The following IMMP2L variants were observed in gnomAD, a reference collection of about 807,000 sequenced individuals.
IMMP2L encodes mitochondrial inner membrane protease subunit 2.
IMMP2L carries 18 observed loss-of-function variants against 19.3 expected under a neutral mutation model. The observed-to-expected ratio is 0.93, with a 90% CI of 0.64 to 1.38. The LOEUF (loss-of-function observed/expected upper bound fraction) is 1.38, where lower values mean the gene tolerates loss of function less well. Among genes scored for constraint, IMMP2L ranks in the 40% most tolerant of loss-of-function variants. IMMP2L has a pLI of 0.00. For synonymous variants in IMMP2L, 76 were observed against 73.0 expected (o/e 1.04, Z -0.21); for missense variants, 233 against 218.2 (o/e 1.07, Z -0.43).
chr7:111,123,219 C>T lies in IMMP2L; in HGVS notation c.240-159654G>A, dbSNP rs898612171. On this transcript the variant is annotated intron_variant, in intron 3 of 5. Transcript: ENST00000405709. The surrounding 1 kb of genome is among the most constrained non-coding windows in gnomAD (Gnocchi z 6.4). ...ACTTACAAGAACTCTATATTAATCA[C>T]AACTTGCTTTCTACAATTTCACCTG... 6.2e-6 allele frequency: 10 copies of T among 1,613,912 alleles called. No homozygotes were observed. Among genetic ancestry groups the T allele is most frequent in the Non-Finnish European group, 8.5e-6 (10 of 1,179,928 alleles).
At chr7:110,824,759 A>G (rs1461557953) in intron 5 of IMMP2L, among the ~76,000 whole-genome samples, 2 of 152,132 alleles carry the variant, frequency 1.3e-5, no homozygotes, top group Non-Finnish European at 2.9e-5. Context: ...GCAATTCAAT[A>G]CCACAGTACT....
intron 3 of IMMP2L, among the ~76,000 whole-genome samples, chr7:111,316,712 T>G (rs555470274): frequency 1.3e-5 from 2 of 151,984 alleles, no homozygotes; most frequent in African/African-American, 2.4e-5. Context: ...TCTCATAAAT[T>G]TATATGCTTC....
chr7:111,445,396 A>G (rs566804569), intron 3 of IMMP2L, among the ~76,000 whole-genome samples: 1 of 152,236 alleles, frequency 6.6e-6, no homozygotes, highest in East Asian at 1.9e-4. Context: ...GAAGAATGAA[A>G]AAAAAATAGA....
chr7:111,008,582 C>T (rs986729209), intron 3 of IMMP2L, among the ~76,000 whole-genome samples: 2 of 151,500 alleles, frequency 1.3e-5, no homozygotes, highest in East Asian at 3.9e-4. Context: ...CACACGTGCA[C>T]ACACACACAC....
At chr7:111,263,590 T>G (rs1382471486) in intron 3 of IMMP2L, among the ~76,000 whole-genome samples, 1 of 152,132 alleles carries the variant, frequency 6.6e-6, no homozygotes, top group Non-Finnish European at 1.5e-5. Flanking sequence ...GAAAGAAGTC[T>G]GGGATAGACA....
chr7:110,993,186 G>A (rs1822670008), intron 3 of IMMP2L, among the ~76,000 whole-genome samples: 1 of 151,940 alleles, frequency 6.6e-6, no homozygotes, highest in Non-Finnish European at 1.5e-5. Flanking sequence ...GTTCCTCACA[G>A]CCCACAAGAA....
chr7:111,021,474 A>C (rs1826269256), intron 3 of IMMP2L, among the ~76,000 whole-genome samples: 1 of 152,242 alleles, frequency 6.6e-6, no homozygotes. Flanking sequence ...ATGGACTCAC[A>C]GTTCTACATG....
At chr7:111,237,952 C>A (rs1024288920) in intron 3 of IMMP2L, among the ~76,000 whole-genome samples, 6 of 152,034 alleles carry the variant, frequency 3.9e-5, no homozygotes, top group African/African-American at 1.2e-4. Flanking sequence ...AAAGAATGCA[C>A]AAAGAGCACC....
chr7:110,693,285 T>C (rs1237693446), intron 5 of IMMP2L, among the ~76,000 whole-genome samples: 1 of 152,210 alleles, frequency 6.6e-6, no homozygotes, highest in Admixed American at 6.5e-5. Context: ...GAAAATCGCA[T>C]CTGTCTCAAC....
intron 3 of IMMP2L, among the ~76,000 whole-genome samples, chr7:110,979,346 T>A (rs549750749): frequency 6.6e-6 from 1 of 152,288 alleles, no homozygotes; most frequent in Non-Finnish European, 1.5e-5. Context: ...TAATGGTTAG[T>A]AGCATTTTAG....
intron 5 of IMMP2L, among the ~76,000 whole-genome samples, chr7:110,705,208 T>A (rs1794568083): frequency 6.6e-6 from 1 of 152,088 alleles, no homozygotes; most frequent in East Asian, 1.9e-4. Context: ...CCAAAGATAA[T>A]CAAGAGTTGG....
At chr7:111,459,721 C>T (rs1032847877) in intron 3 of IMMP2L, among the ~76,000 whole-genome samples, 2 of 152,054 alleles carry the variant, frequency 1.3e-5, no homozygotes, top group African/African-American at 2.4e-5. Context: ...TATATATCAT[C>T]GATAATTTCT....
intron 3 of IMMP2L, among the ~76,000 whole-genome samples, chr7:111,234,553 C>T (rs1329778632): frequency 6.6e-6 from 1 of 151,850 alleles, no homozygotes; most frequent in Non-Finnish European, 1.5e-5. Context: ...CTCTTTTTTC[C>T]CTGGATATAT....
intron 3 of IMMP2L, among the ~76,000 whole-genome samples, chr7:111,379,485 A>T (rs986558298): frequency 1.3e-5 from 2 of 151,760 alleles, no homozygotes; most frequent in Admixed American, 6.6e-5. Context: ...CCTTAAAACA[A>T]TCTCACATTA....
chr7:110,717,247 C>T (rs1003203103), intron 5 of IMMP2L, among the ~76,000 whole-genome samples: 3 of 152,074 alleles, frequency 2.0e-5, no homozygotes, highest in African/African-American at 2.4e-5. Context: ...GAGGCCGAGG[C>T]GGGCGGATCA....
intron 1 of IMMP2L, among the ~76,000 whole-genome samples, chr7:111,538,158 C>T (rs527635382): frequency 4.6e-4 from 70 of 151,966 alleles, no homozygotes; most frequent in South Asian, 2.3e-3. Flanking sequence ...GAGTTCTGCG[C>T]GAGCAGAAAC....
chr7:111,168,625 A>T (rs1335889134), intron 3 of IMMP2L, among the ~76,000 whole-genome samples: 1 of 151,978 alleles, frequency 6.6e-6, no homozygotes, highest in East Asian at 1.9e-4. Context: ...ATTTTACTTA[A>T]CAAGGACTTC....
intron 3 of IMMP2L, among the ~76,000 whole-genome samples, chr7:111,423,637 T>C (rs1251820106): frequency 6.6e-6 from 1 of 151,846 alleles, no homozygotes; most frequent in Non-Finnish European, 1.5e-5. Context: ...TAGAGGTGTA[T>C]CTTTGGGACA....
intron 2 of IMMP2L, among the ~76,000 whole-genome samples, chr7:111,511,597 G>A (rs941560851): frequency 2.7e-5 from 4 of 150,720 alleles, no homozygotes; most frequent in South Asian, 2.1e-4. Flanking sequence ...TGCAGTGAGC[G>A]GAGATCGCGC....
Sources: gnomAD v4.1 joint callset for allele counts (sites outside exome capture counted in the v4.1 genomes callset) on GRCh38, gnomAD v4.1.1 for gene constraint, Gnocchi (gnomAD v3.1) non-coding constraint, MANE v1.5 for transcripts, NCBI Gene and HGNC (gene_info 2026-07-23, HGNC 2026-07-21) for gene names.